TRAPPC8: variants seen among roughly 807,000 people sequenced by gnomAD.
TRAPPC8 encodes trafficking protein particle complex subunit 8, also known as general sporulation gene 1 homolog.
TRAPPC8 carries 54 observed loss-of-function variants against 174.3 expected under a neutral mutation model. The observed-to-expected ratio is 0.31, with a 90% confidence interval of 0.25 to 0.39. The LOEUF is 0.39. Among genes scored for constraint, TRAPPC8 ranks in the 10% least tolerant of loss-of-function variants. TRAPPC8 has a pLI of 1.00. For synonymous variants in TRAPPC8, 630 were observed against 579.9 expected (o/e 1.09, Z -1.24); for missense variants, 1,531 against 1,699.1 (o/e 0.90, Z 1.74).
At chr18:31,886,334 T>C (rs1402951454) in intron 12 of TRAPPC8, among the ~76,000 whole-genome samples, 2 of 114,624 alleles carry the variant, frequency 1.7e-5, no homozygotes, top group Non-Finnish European at 3.4e-5. Context: ...TTTTAAGTGA[T>C]GTTTCTTGAG....
chr18:31,936,079 G>A (rs1315912427), intron 1 of TRAPPC8, among the ~76,000 whole-genome samples: 1 of 151,898 alleles, frequency 6.6e-6, no homozygotes, highest in African/African-American at 2.4e-5. Context: ...AATTAGCTGG[G>A]TGTGATGGCA....
At chr18:31,901,072 T>G in intron 9 of TRAPPC8, 47 bp from the exon 10 acceptor site, 1 of 1,505,734 alleles carries the variant, frequency 6.6e-7, no homozygotes, top group South Asian at 1.2e-5. Flanking sequence ...AGAAACAGTC[T>G]TACAGTTTAG....
chr18:31,857,787 A>G lies in TRAPPC8; in HGVS notation c.2941T>C (p.Tyr981His), dbSNP rs753781441. The G allele has an allele frequency of 1.2e-6, 2 of 1,614,198 alleles. No homozygotes were observed. The highest frequency in any genetic ancestry group is 4.5e-5 in the East Asian group (2 of 44,872). Residue 981 changes from tyrosine to histidine, a missense_variant, in exon 20 of 29, where the codon TAC (tyrosine) becomes CAC (histidine). By Grantham distance (83) the Tyr-to-His change is moderately conservative. Coordinates refer to ENST00000283351, the MANE Select transcript of TRAPPC8 (RefSeq NM_014939.5). ...GTAGCATCTGTCACAACAGTCTTGT[A>G]AGCACTACAATTCTCAGAAGCTGAG... The part of the protein sequence containing the change: ...SPSASENCSA[Y>H]KTVVTDATSV...
intron 26 of TRAPPC8, among the ~76,000 whole-genome samples, chr18:31,840,013 A>G (rs530724711): frequency 6.6e-6 from 1 of 152,204 alleles, no homozygotes; most frequent in Non-Finnish European, 1.5e-5. Flanking sequence ...GTATTAACAT[A>G]GCTGTTTGTC....
chr18:31,837,368 A>G (rs1254588892), intron 27 of TRAPPC8, among the ~76,000 whole-genome samples: 1 of 152,162 alleles, frequency 6.6e-6, no homozygotes, highest in Non-Finnish European at 1.5e-5. Context: ...AAGGTGTAGA[A>G]TATTCACAGC....
At chr18:31,868,728 G>C (rs2034703084) in intron 16 of TRAPPC8, among the ~76,000 whole-genome samples, 1 of 151,582 alleles carries the variant, frequency 6.6e-6, no homozygotes, top group Non-Finnish European at 1.5e-5. Flanking sequence ...TTTGAGACAA[G>C]ATCTTGCTCT....
chr18:31,836,907 GC>G (rs1367304043), intron 27 of TRAPPC8, among the ~76,000 whole-genome samples: 25 of 151,820 alleles, frequency 1.6e-4, no homozygotes, highest in South Asian at 6.2e-4. Flanking sequence ...GACTACAGGT[GC>G]CCGCCACCAC....
intron 9 of TRAPPC8, among the ~76,000 whole-genome samples, chr18:31,901,760 A>G (rs965917493): frequency 2.5e-4 from 38 of 152,128 alleles, no homozygotes; most frequent in Non-Finnish European, 2.9e-4. Flanking sequence ...CTAAACTCAG[A>G]TTTGCCATGG....
intron 5 of TRAPPC8, among the ~76,000 whole-genome samples, chr18:31,910,922 C>T (rs1202026484): frequency 6.6e-6 from 1 of 152,120 alleles, no homozygotes; most frequent in Non-Finnish European, 1.5e-5. Context: ...CCTAAAAGAC[C>T]ATTTTTAAAA....
Position 31,900,979 on chromosome 18 carries a change from G to A in TRAPPC8, c.1436C>T (p.Pro479Leu). Residue 479 changes from proline to leucine, a missense_variant, in exon 10 of 29, where the codon CCA becomes CTA. Physicochemically the swap from Pro to Leu is moderately conservative, Grantham distance 98. Coordinates refer to ENST00000283351, the MANE Select transcript of TRAPPC8 (RefSeq NM_014939.5). The part of the protein sequence containing the change: ...SAFLQPGAPR[P>L]YPAHYMDTAI... ...TGTATCCATGTAATGAGCAGGATAT[G>A]GCCTAGGTGCTCCTGGTTGAAGAAA... 1 of 1,590,466 alleles carries A rather than the reference G, an allele frequency of 6.3e-7. No individual in the cohort carries two copies. The highest frequency in any genetic ancestry group is 8.5e-7 in the Non-Finnish European group (1 of 1,173,444).
At position 31,908,239 on chromosome 18, in the gene TRAPPC8, T is replaced by C. The variant is rs1598720107; in HGVS notation, c.1238+64A>G. On this transcript the variant is annotated intron_variant, in intron 8 of 28. Coordinates refer to ENST00000283351, the MANE Select transcript of TRAPPC8 (RefSeq NM_014939.5). ...AGAGATAGTTATCTTCTGCAGGATA[T>C]ACAATCAAACACTAGTCAGAGAGTT... 3 of 943,370 alleles carry C rather than the reference T, an allele frequency of 3.2e-6. No homozygotes were observed. The East Asian group carries it at 8.4e-5, about 27-fold the overall frequency. 58.4% of individuals were successfully genotyped at this position (943,370 alleles called of 1,614,324 possible). A position where few individuals can be genotyped will look rare whatever the true frequency, so the allele number is the denominator to read the frequency against.
intron 14 of TRAPPC8, among the ~76,000 whole-genome samples, chr18:31,871,827 C>T (rs11662697): frequency 0.26 from 39,711 of 151,566 alleles, 5,693 homozygotes; most frequent in South Asian, 0.52. Context: ...TCTTTTGCTA[C>T]TACAAACAAT....
At chr18:31,885,933 C>T (rs551926413) in intron 12 of TRAPPC8, among the ~76,000 whole-genome samples, 17 of 151,832 alleles carry the variant, frequency 1.1e-4, no homozygotes, top group Middle Eastern at 3.4e-3. Context: ...CCACTTAACA[C>T]TCAAATGGCA....
chr18:31,927,670 T>C (rs1226193560), intron 2 of TRAPPC8, among the ~76,000 whole-genome samples: 1 of 152,208 alleles, frequency 6.6e-6, no homozygotes, highest in East Asian at 1.9e-4. Context: ...CCCAAAGCGC[T>C]GGGATTAGAG....
At chr18:31,881,753 G>C (rs1367349917) in intron 12 of TRAPPC8, among the ~76,000 whole-genome samples, 1 of 151,630 alleles carries the variant, frequency 6.6e-6, no homozygotes, top group African/African-American at 2.4e-5. Context: ...TCCGACAAAG[G>C]ACTAATATCC....
intron 12 of TRAPPC8, among the ~76,000 whole-genome samples, chr18:31,876,611 G>A (rs959842722): frequency 5.9e-5 from 9 of 151,894 alleles, no homozygotes; most frequent in African/African-American, 1.9e-4. Context: ...AAGACAGCCA[G>A]GATATGATGA....
intron 19 of TRAPPC8, among the ~76,000 whole-genome samples, chr18:31,863,436 T>C (rs2034432039): frequency 6.6e-6 from 1 of 152,128 alleles, no homozygotes; most frequent in Non-Finnish European, 1.5e-5. Context: ...TCTGTATTGA[T>C]GAAAAACTAG....
At chr18:31,908,455 A>C (rs2036761089) in intron 7 of TRAPPC8, 37 bp from the exon 8 acceptor site, 1 of 1,357,134 alleles carries the variant, frequency 7.4e-7, no homozygotes, top group Non-Finnish European at 1.0e-6. Flanking sequence ...ACAAACAAAG[A>C]ATTTAGTATT....
intron 1 of TRAPPC8, among the ~76,000 whole-genome samples, chr18:31,935,954 G>C (rs957998366): frequency 6.6e-6 from 1 of 151,314 alleles, no homozygotes; most frequent in African/African-American, 2.4e-5. Context: ...GGCCACGCCG[G>C]TCTCAAACTC....
Sources: allele counts gnomAD v4.1 joint callset (sites outside exome capture counted in the v4.1 genomes callset), GRCh38; gene constraint gnomAD v4.1.1; transcripts MANE v1.5; gene names NCBI Gene and HGNC (gene_info 2026-07-23, HGNC 2026-07-21).